The following LAD1 variants were observed in gnomAD, a reference collection of about 807,000 sequenced individuals.
The protein encoded by LAD1 is ladinin-1.
A neutral mutation model predicts 54.2 loss-of-function variants in LAD1; 53 were observed. That is an observed-to-expected ratio of 0.98 (90% confidence interval 0.78 to 1.23). The LOEUF (loss-of-function observed/expected upper bound fraction) is 1.23, where lower values mean the gene tolerates loss of function less well. Among genes scored for constraint, LAD1 ranks in the 50% most tolerant of loss-of-function variants. The pLI, the probability that LAD1 is intolerant of heterozygous loss-of-function variation, is 0.00. For synonymous variants in LAD1, 231 were observed against 257.7 expected (o/e 0.90, Z 0.99); for missense variants, 637 against 653.3 (o/e 0.98, Z 0.27).
intron 1 of LAD1, chr1:201,391,193 GATCTGGATGAAA>G (rs1662191043): frequency 2.2e-6 from 1 of 450,496 alleles, no homozygotes; most frequent in Admixed American, 2.4e-5. Context: ...GAGCTCCACA[GATCTGGATGAAA>G]ATCCAGACAA....
At chr1:201,384,207 A>G (rs1267218995) in intron 5 of LAD1, among the ~76,000 whole-genome samples, 1 of 150,412 alleles carries the variant, frequency 6.6e-6, no homozygotes, top group African/African-American at 2.5e-5. Context: ...CTCCACCCCC[A>G]CCCCAGCCCC....
At chr1:201,393,608 T>C (rs1011535211) in intron 1 of LAD1, among the ~76,000 whole-genome samples, 3 of 151,850 alleles carry the variant, frequency 2.0e-5, no homozygotes, top group African/African-American at 7.3e-5. Flanking sequence ...TAGCCGGGCA[T>C]GGTGGCAGAC....
chr1:201,396,857 C>T (rs1662300386), intron 1 of LAD1, among the ~76,000 whole-genome samples: 1 of 152,090 alleles, frequency 6.6e-6, no homozygotes, highest in African/African-American at 2.4e-5. Context: ...CCCAGGGCAG[C>T]GATTGGAAGT....
At chr1:201,382,872 A>C in intron 7 of LAD1, 133 bp from the exon 8 acceptor site, 1 of 954,694 alleles carries the variant, frequency 1.0e-6, no homozygotes, top group South Asian at 1.6e-5. Context: ...TACCTGGGAC[A>C]GCCCCCTCCC....
intron 1 of LAD1, among the ~76,000 whole-genome samples, chr1:201,391,566 T>G (rs1662196245): frequency 6.6e-6 from 1 of 152,188 alleles, no homozygotes; most frequent in East Asian, 1.9e-4. Flanking sequence ...CTGGAGATAT[T>G]GACAATCCAG....
chr1:201,392,667 G>A (rs1465751232), intron 1 of LAD1, among the ~76,000 whole-genome samples: 4 of 152,220 alleles, frequency 2.6e-5, no homozygotes, highest in Non-Finnish European at 4.4e-5. Flanking sequence ...AGAGCAGAGG[G>A]CCTTGGAGAC....
At position 201,385,876 on chromosome 1, in the gene LAD1, T is replaced by G. The variant is rs1000337205; in HGVS notation, c.1027-71A>C. 2.6e-5 allele frequency: 28 copies of G among 1,090,846 alleles called. No homozygotes were observed. The Admixed American group carries it at 3.0e-4, about 12-fold the overall frequency. 67.6% of individuals were successfully genotyped at this position (1,090,846 alleles called of 1,614,324 possible). ...CAAGCCGGGGCAGCCATAAACCCCA[T>G]GGCTCACCCCAGGAGCTGCAGGAAG... On this transcript the variant is annotated intron_variant, in intron 3 of 9. Transcript: ENST00000391967.
At chr1:201,382,599 G>A in intron 8 of LAD1, 54 bp downstream of exon 8, 1 of 1,423,040 alleles carries the variant, frequency 7.0e-7, no homozygotes, top group Non-Finnish European at 9.7e-7. Flanking sequence ...TCTGTCCCCA[G>A]TCATCCCACC....
intron 1 of LAD1, among the ~76,000 whole-genome samples, chr1:201,390,879 G>A (rs946792619): frequency 2.6e-5 from 4 of 152,206 alleles, no homozygotes; most frequent in Admixed American, 2.6e-4. Flanking sequence ...CATCACCGGG[G>A]GTGACTAGGA....
Position 201,382,746 on chromosome 1 carries a change from A to G in LAD1, c.1387-7T>C. ...CTGAGAGCCTCAAGTTCTCCTAAAA[A>G]GAGAACTTTCCATCTCAGGGTTTAG... On this transcript the variant is annotated splice_polypyrimidine_tract_variant and splice_region_variant and intron_variant, in intron 7 of 9. Coordinates refer to ENST00000391967, the MANE Select transcript of LAD1 (RefSeq NM_005558.4). The G allele has an allele frequency of 6.3e-7, 1 of 1,587,054 alleles. No individual in the cohort carries two copies. Among genetic ancestry groups the G allele is most frequent in the Non-Finnish European group, 8.6e-7 (1 of 1,165,058 alleles).
chr1:201,389,332 A>G, intron 1 of LAD1, 29 bp from the exon 2 acceptor site: 2 of 1,601,968 alleles, frequency 1.2e-6, no homozygotes, highest in Non-Finnish European at 8.5e-7. Context: ...GGGTCAGCAC[A>G]GCTGGGGAAA....
At chr1:201,391,972 G>A (rs1439300491) in intron 1 of LAD1, among the ~76,000 whole-genome samples, 1 of 152,220 alleles carries the variant, frequency 6.6e-6, no homozygotes, top group Admixed American at 6.5e-5. Context: ...ACGACTGCAA[G>A]GCCTCCTCTT....
In LAD1 at chr1:201,381,575, G is replaced by A; in HGVS notation, c.*313C>T. The A allele has an allele frequency of 2.1e-6, 1 of 467,864 alleles. No homozygotes were observed. Among genetic ancestry groups the A allele is most frequent in the Non-Finnish European group, 3.9e-6 (1 of 255,380 alleles). The allele number at this position is 467,864 out of a possible 1,614,324, so 29.0% of individuals were successfully genotyped here. ...CTGTGGATGTGAGCAGGAAGGAGCA[G>A]AGGTCTCTGGGCAGGACATAGGCCC... On this transcript the variant is annotated 3_prime_UTR_variant, in exon 10 of 10. Coordinates refer to ENST00000391967, the MANE Select transcript of LAD1 (RefSeq NM_005558.4).
Position 201,383,149 on chromosome 1 carries a change from AC to A in LAD1, c.1310del (p.Gly437ValfsTer2), listed in dbSNP as rs1558269383. The stretch of plus-strand genomic sequence containing the variant: ...CAAAGAGGTGGCGCTTGCTGGCTAC[AC>A]CCACAGGAGCCACGAATAACTCAGT... ...PCTELFVAPVGVASKRHLFEK... is the reference protein window; with the variant it reads ...PCTELFVAPVXVASKRHLFEK... On this transcript the variant is annotated frameshift_variant, in exon 7 of 10. Coordinates refer to ENST00000391967, the MANE Select transcript of LAD1 (RefSeq NM_005558.4). LOFTEE classifies it high-confidence loss of function. The A allele has an allele frequency of 6.2e-7, 1 of 1,613,964 alleles. No individual in the cohort carries two copies.
chr1:201,395,215 A>G (rs1384047084), intron 1 of LAD1, among the ~76,000 whole-genome samples: 1 of 152,224 alleles, frequency 6.6e-6, no homozygotes, highest in East Asian at 1.9e-4. Flanking sequence ...GTTATCTCCA[A>G]TAAGCACAAG....
intron 4 of LAD1, among the ~76,000 whole-genome samples, chr1:201,385,174 C>T (rs1463236663): frequency 2.6e-5 from 4 of 152,202 alleles, no homozygotes; most frequent in African/African-American, 9.6e-5. Flanking sequence ...CTCTCCAGGG[C>T]CTGGCACACA....
At chr1:201,386,279 G>T in intron 3 of LAD1, 56 bp downstream of exon 3, 1 of 1,394,826 alleles carries the variant, frequency 7.2e-7, no homozygotes. Flanking sequence ...GGGACTGGCC[G>T]GCAGTGCCAG....
At chr1:201,392,154 CT>C (rs760953666) in intron 1 of LAD1, among the ~76,000 whole-genome samples, 13 of 152,374 alleles carry the variant, frequency 8.5e-5, no homozygotes, top group South Asian at 2.1e-4. Context: ...TTTTCTCTTC[CT>C]CAGTTTTCCC....
intron 1 of LAD1, among the ~76,000 whole-genome samples, chr1:201,392,273 C>G (rs1662208826): frequency 6.6e-6 from 1 of 152,222 alleles, no homozygotes; most frequent in Non-Finnish European, 1.5e-5. Flanking sequence ...TGAGGACCTA[C>G]TATGTACCAG....
Sources: allele counts gnomAD v4.1 joint callset (sites outside exome capture counted in the v4.1 genomes callset), GRCh38; gene constraint gnomAD v4.1.1; transcripts MANE v1.5; gene names NCBI Gene and HGNC (gene_info 2026-07-23, HGNC 2026-07-21).